The following UBE2E2 variants were observed in gnomAD, a reference collection of about 807,000 sequenced individuals.
The protein encoded by UBE2E2 is ubiquitin-conjugating enzyme E2 E2.
In UBE2E2, 6 loss-of-function variants were observed where a neutral mutation model predicts 24.7. That is an observed-to-expected ratio of 0.24 (90% CI 0.13 to 0.48). The LOEUF (loss-of-function observed/expected upper bound fraction) is 0.48. UBE2E2 is among the 20% of genes least tolerant of loss of function. UBE2E2 has a pLI of 0.99. For missense variants in UBE2E2, 169 were observed against 245.0 expected (o/e 0.69, Z 2.07); for synonymous variants, 104 against 83.6 (o/e 1.24, Z -1.33).
intron 5 of UBE2E2, among the ~76,000 whole-genome samples, chr3:23,553,444 G>T (rs1695698949): frequency 6.6e-6 from 1 of 152,038 alleles, no homozygotes; most frequent in South Asian, 2.1e-4. Flanking sequence ...TATAACTATA[G>T]GGCCTTTGTT....
chr3:23,518,649 A>C (rs756933887), intron 4 of UBE2E2, among the ~76,000 whole-genome samples: 1 of 152,138 alleles, frequency 6.6e-6, no homozygotes, highest in Non-Finnish European at 1.5e-5. Flanking sequence ...TATTCTCCAC[A>C]GTGGGTTCCA....
At position 23,590,004 on chromosome 3, in the gene UBE2E2, TTC is replaced by T; in HGVS notation, c.*174_*175del. On this transcript the variant is annotated 3_prime_UTR_variant, in exon 6 of 6. Coordinates refer to ENST00000396703, the MANE Select transcript of UBE2E2 (RefSeq NM_152653.4). ...CCCATCCCAGTTCTTCCTGCCCCCCTTCCTCTCTCCCACGCTCTCTTTTATCT... is the reference window on the plus strand; with the variant it reads ...CCCATCCCAGTTCTTCCTGCCCCCCTCTCTCTCCCACGCTCTCTTTTATCT... 1 of 556,528 alleles carries T rather than the reference TTC, an allele frequency of 1.8e-6. No individual in the cohort carries two copies. 34.5% of individuals were successfully genotyped at this position (556,528 alleles called of 1,614,324 possible).
In UBE2E2 at chr3:23,346,469, C is replaced by T. The variant is rs114282895; in HGVS notation, c.227+129157C>T. 8.4e-3 allele frequency among the ~76,000 whole-genome samples: 1,276 copies of T among 152,294 alleles called. 17 individuals carry two copies. The highest frequency in any genetic ancestry group is 0.028 in the African/African-American group (1,171 of 41,556). ...AATGTATTTAGCTGTCAGAGGTCTG[C>T]AAGCAGTCCATCAGTTGAGACATGA... On this transcript the variant is annotated intron_variant, in intron 3 of 5. Transcript: ENST00000396703.
intron 2 of UBE2E2, among the ~76,000 whole-genome samples, chr3:23,215,813 A>G (rs145767272): frequency 4.4e-4 from 67 of 152,300 alleles, no homozygotes; most frequent in Non-Finnish European, 8.1e-4. Flanking sequence ...CTAGTTGGCC[A>G]TCTTTAACCT....
chr3:23,546,876 CTA>C (rs1198227535), intron 5 of UBE2E2, among the ~76,000 whole-genome samples: 18 of 152,060 alleles, frequency 1.2e-4, no homozygotes, highest in African/African-American at 3.9e-4. Flanking sequence ...TCTCTCCACT[CTA>C]GAGTAAAAAT....
At chr3:23,241,230 A>G (rs1274722804) in intron 3 of UBE2E2, among the ~76,000 whole-genome samples, 1 of 152,134 alleles carries the variant, frequency 6.6e-6, no homozygotes, top group Non-Finnish European at 1.5e-5. Flanking sequence ...ATACATCTAG[A>G]GTCTAATCAC....
chr3:23,203,534 T>TC, intron 1 of UBE2E2, 70 bp downstream of exon 1: 1 of 861,192 alleles, frequency 1.2e-6, no homozygotes, highest in African/African-American at 2.1e-5. Flanking sequence ...TCCTCCTCAC[T>TC]CCCCCGACCT....
At chr3:23,297,164 T>G (rs1698935260) in intron 3 of UBE2E2, among the ~76,000 whole-genome samples, 2 of 152,192 alleles carry the variant, frequency 1.3e-5, no homozygotes, top group African/African-American at 4.8e-5. Context: ...TTGTTTGTTT[T>G]TTTCTTGTAA....
intron 5 of UBE2E2, among the ~76,000 whole-genome samples, chr3:23,561,558 C>A (rs1290395342): frequency 6.6e-6 from 1 of 151,882 alleles, no homozygotes; most frequent in Non-Finnish European, 1.5e-5. Flanking sequence ...AATGCGGGCT[C>A]TTTTTTGGTT....
At chr3:23,217,380 T>C in intron 3 of UBE2E2, 68 bp downstream of exon 3, 1 of 1,380,854 alleles carries the variant, frequency 7.2e-7, no homozygotes. Context: ...GTTGGTTTTA[T>C]ATGCAGCTGT....
chr3:23,439,202 G>A (rs1188701715), intron 3 of UBE2E2, among the ~76,000 whole-genome samples: 1 of 152,206 alleles, frequency 6.6e-6, no homozygotes, highest in Non-Finnish European at 1.5e-5. Context: ...ACTGTTATGT[G>A]TACAGGGGAA....
intron 5 of UBE2E2, among the ~76,000 whole-genome samples, chr3:23,571,309 A>ATTTT (rs1696223373): frequency 1.5e-3 from 3 of 2,014 alleles, no homozygotes; most frequent in Admixed American, 4.6e-3. Context: ...TTTTTTTTTG[A>ATTTT]GACAGAGTCT....
At chr3:23,509,558 A>G (rs1694537429) in intron 4 of UBE2E2, among the ~76,000 whole-genome samples, 1 of 151,202 alleles carries the variant, frequency 6.6e-6, no homozygotes. Context: ...AATTTCCTTG[A>G]TTTTTTCTTT....
intron 3 of UBE2E2, among the ~76,000 whole-genome samples, chr3:23,294,532 C>G (rs1698854944): frequency 6.7e-6 from 1 of 149,120 alleles, no homozygotes; most frequent in South Asian, 2.1e-4. Flanking sequence ...GTAGTAAGTG[C>G]AGCGTTTAGA....
At chr3:23,427,304 C>T (rs1329301844) in intron 3 of UBE2E2, among the ~76,000 whole-genome samples, 1 of 151,240 alleles carries the variant, frequency 6.6e-6, no homozygotes, top group Non-Finnish European at 1.5e-5. Context: ...ATTGTATGTG[C>T]CTGTAGTTCC....
At chr3:23,460,874 G>A (rs1453516481) in intron 3 of UBE2E2, among the ~76,000 whole-genome samples, 2 of 152,178 alleles carry the variant, frequency 1.3e-5, no homozygotes, top group Admixed American at 6.5e-5. Flanking sequence ...GGCCATGTAT[G>A]TATGTTTATA....
At chr3:23,415,937 C>G (rs1369766785) in intron 3 of UBE2E2, among the ~76,000 whole-genome samples, 1 of 151,858 alleles carries the variant, frequency 6.6e-6, no homozygotes. Context: ...ATGTTCCCCT[C>G]CCTGTGTCCA....
chr3:23,585,579 A>G (rs926557640), intron 5 of UBE2E2, among the ~76,000 whole-genome samples: 2 of 152,172 alleles, frequency 1.3e-5, no homozygotes, highest in Admixed American at 6.5e-5. Context: ...TCTGTTCTGC[A>G]TAAGTCTGAA....
chr3:23,308,826 G>A (rs965546613), intron 3 of UBE2E2, among the ~76,000 whole-genome samples: 13 of 152,240 alleles, frequency 8.5e-5, no homozygotes, highest in African/African-American at 1.2e-4. Context: ...CTCTAAGTCC[G>A]GAAGCCTCAA....
Sources: allele counts gnomAD v4.1 joint callset (sites outside exome capture counted in the v4.1 genomes callset), GRCh38; gene constraint gnomAD v4.1.1; transcripts MANE v1.5; gene names NCBI Gene and HGNC (gene_info 2026-07-23, HGNC 2026-07-21).